SSH2: variants seen among roughly 807,000 people sequenced by gnomAD.
SSH2 encodes protein phosphatase Slingshot homolog 2.
A neutral mutation model predicts 135.2 loss-of-function variants in SSH2; 37 were observed. That is an observed-to-expected ratio of 0.27 (90% CI 0.21 to 0.36). SSH2 has a LOEUF of 0.36. Among genes scored for constraint, SSH2 ranks in the 10% least tolerant of loss-of-function variants. The pLI, the probability that SSH2 is intolerant of heterozygous loss-of-function variation, is 1.00. For synonymous variants in SSH2, 628 were observed against 646.2 expected, an observed-to-expected ratio of 0.97 and a Z score of 0.43; for missense variants, 1,408 against 1,765.3, an observed-to-expected ratio of 0.80 and a Z score of 3.63.
chr17:29,769,171 C>G (rs2041514154), intron 3 of SSH2, among the ~76,000 whole-genome samples: 1 of 152,174 alleles, frequency 6.6e-6, no homozygotes, highest in Non-Finnish European at 1.5e-5. Context: ...TTTGCCTAAG[C>G]TTATACAGCA....
chr17:29,777,805 A>C (rs2041739616), intron 3 of SSH2: 1 of 152,616 alleles, frequency 6.6e-6, no homozygotes, highest in South Asian at 2.0e-4. Context: ...AAAAAAAAAA[A>C]AAAAAAAAAA....
At chr17:29,803,602 C>T (rs1455361546) in intron 2 of SSH2, among the ~76,000 whole-genome samples, 1 of 152,180 alleles carries the variant, frequency 6.6e-6, no homozygotes, top group Non-Finnish European at 1.5e-5. Flanking sequence ...TTCAAGGAAT[C>T]TGTGAGAGGA....
At position 29,907,002 on chromosome 17, in the gene SSH2, C is replaced by T. The variant is rs925213765; in HGVS notation, c.63+22936G>A. Among the ~76,000 whole-genome samples the T allele has an allele frequency of 5.9e-5, 9 of 152,238 alleles. No individual in the cohort carries two copies. The East Asian group carries it at 7.7e-4, about 13-fold the overall frequency. On this transcript the variant is annotated intron_variant, in intron 1 of 15. Transcript: ENST00000540801. The stretch of plus-strand genomic sequence containing the variant: ...AGAAATAAAATTTAACCCAGCAATC[C>T]CATTACTGGTATATACCCAGAGGAA...
intron 1 of SSH2, among the ~76,000 whole-genome samples, chr17:29,861,252 T>C (rs2065759523): frequency 6.6e-6 from 1 of 152,176 alleles, no homozygotes. Context: ...AGTCAACTTT[T>C]ACTTCTTTGC....
At position 29,784,823 on chromosome 17, in the gene SSH2, A is replaced by G. The variant is rs146750614; in HGVS notation, c.188+9071T>C. 2.0e-5 allele frequency among the ~76,000 whole-genome samples: 3 copies of G among 152,080 alleles called. No homozygotes were observed. In the East Asian group the frequency reaches 5.8e-4, roughly 29 times the overall value. On this transcript the variant is annotated intron_variant, in intron 3 of 15. Coordinates refer to ENST00000540801, the MANE Select transcript of SSH2 (RefSeq NM_001282129.2). ...ATCCTTCCATTCTCCCCACTCTCCTATGTTTGGAATGCTACCCTTTTCTTC... is the reference window on the plus strand; with the variant it reads ...ATCCTTCCATTCTCCCCACTCTCCTGTGTTTGGAATGCTACCCTTTTCTTC...
intron 1 of SSH2, among the ~76,000 whole-genome samples, chr17:29,877,441 T>C (rs979687149): frequency 6.6e-6 from 1 of 152,230 alleles, no homozygotes. Flanking sequence ...GTTGTGGCAC[T>C]GTCTACAATA....
Position 29,929,989 on chromosome 17 carries a change from G to C in SSH2, c.12C>G (p.Val4=). The C allele has an allele frequency of 6.3e-7, 1 of 1,594,376 alleles. No homozygotes were observed. Among genetic ancestry groups the C allele is most frequent in the Non-Finnish European group, 8.5e-7 (1 of 1,170,070 alleles). Residue 4 remains valine, a synonymous_variant, in exon 1 of 16, where the codon GTC becomes GTG. Transcript: ENST00000540801. The part of the protein sequence containing the change: MAL[V]TVQRSPTPST... ...TGGGGGTAGGTGACCGCTGGACCGTGACCAAAGCCATCTAGGCGCTGCTGG... is the reference window on the plus strand; with the variant it reads ...TGGGGGTAGGTGACCGCTGGACCGTCACCAAAGCCATCTAGGCGCTGCTGG...
chr17:29,702,775 A>G (rs1310230905), intron 4 of SSH2, among the ~76,000 whole-genome samples, 184 bp downstream of exon 4: 1 of 152,250 alleles, frequency 6.6e-6, no homozygotes, highest in Non-Finnish European at 1.5e-5. Flanking sequence ...TACTATGTGT[A>G]AAAGGCTTTT....
intron 2 of SSH2, among the ~76,000 whole-genome samples, chr17:29,798,144 C>T (rs550133665): frequency 6.6e-6 from 1 of 152,138 alleles, no homozygotes; most frequent in South Asian, 2.1e-4. Flanking sequence ...AAACCTTTGC[C>T]TACCCTCTAG....
intron 3 of SSH2, among the ~76,000 whole-genome samples, chr17:29,786,540 T>G (rs568246356): frequency 6.6e-6 from 1 of 152,304 alleles, no homozygotes; most frequent in South Asian, 2.1e-4. Context: ...TGTCTTTAGC[T>G]GAACTAAGGA....
chr17:29,917,626 A>C (rs1022419754), intron 1 of SSH2, among the ~76,000 whole-genome samples: 9 of 152,146 alleles, frequency 5.9e-5, no homozygotes, highest in Non-Finnish European at 8.8e-5. Context: ...GCAAATCTAA[A>C]ACTAAATGAT....
intron 13 of SSH2, 106 bp downstream of exon 13, chr17:29,650,548 T>C (rs546683737): frequency 1.1e-5 from 12 of 1,124,378 alleles, no homozygotes; most frequent in Non-Finnish European, 1.5e-5. Context: ...CTTAGTTCCT[T>C]TTTCCTGAGT....
chr17:29,860,567 G>A (rs1175318540), intron 1 of SSH2, among the ~76,000 whole-genome samples: 4 of 150,664 alleles, frequency 2.7e-5, no homozygotes, highest in Non-Finnish European at 5.9e-5. Flanking sequence ...CAGCCACCGC[G>A]ATTACAGGAG....
chr17:29,735,454 T>C (rs890089707), intron 3 of SSH2, among the ~76,000 whole-genome samples: 2 of 152,126 alleles, frequency 1.3e-5, no homozygotes, highest in Admixed American at 1.3e-4. Flanking sequence ...CCCAGAACTT[T>C]GGGAGGCTGA....
chr17:29,874,404 C>T (rs1237852023), intron 1 of SSH2, among the ~76,000 whole-genome samples: 1 of 152,154 alleles, frequency 6.6e-6, no homozygotes, highest in Admixed American at 6.6e-5. Flanking sequence ...TGGGTCCCCA[C>T]CCAGATCTCA....
At chr17:29,866,098 A>G (rs1479339930) in intron 1 of SSH2, 3 of 114,468 alleles carry the variant, frequency 2.6e-5, no homozygotes, top group African/African-American at 6.3e-5. Context: ...GTGAAACTCC[A>G]TCTCAAAAAA....
At chr17:29,829,188 G>T (rs2042795627) in intron 2 of SSH2, among the ~76,000 whole-genome samples, 1 of 152,154 alleles carries the variant, frequency 6.6e-6, no homozygotes, top group African/African-American at 2.4e-5. Flanking sequence ...CAATGTGCCA[G>T]GCCTTAGTCG....
chr17:29,893,503 C>T (rs979194725), intron 1 of SSH2, among the ~76,000 whole-genome samples: 2 of 152,132 alleles, frequency 1.3e-5, no homozygotes, highest in African/African-American at 2.4e-5. Flanking sequence ...TATATGAGGA[C>T]ACCACATTTG....
intron 1 of SSH2, among the ~76,000 whole-genome samples, chr17:29,849,558 G>C (rs1459797514): frequency 4.6e-5 from 7 of 150,944 alleles, no homozygotes; most frequent in Non-Finnish European, 1.0e-4. Flanking sequence ...ACTGGGGATA[G>C]ATTTGTGTTC....
Sources: allele counts gnomAD v4.1 joint callset (sites outside exome capture counted in the v4.1 genomes callset), GRCh38; gene constraint gnomAD v4.1.1; transcripts MANE v1.5; gene names NCBI Gene and HGNC (gene_info 2026-07-23, HGNC 2026-07-21).